INTS9: variants seen among roughly 807,000 people sequenced by gnomAD.
INTS9 encodes the protein integrator complex subunit 9.
In INTS9, 55 loss-of-function variants were observed where a neutral mutation model predicts 79.7. That is an observed-to-expected ratio of 0.69 (90% confidence interval 0.56 to 0.86). INTS9 has a LOEUF of 0.86. INTS9 is among the 40% of genes least tolerant of loss of function. INTS9 has a pLI of 0.00. For synonymous variants in INTS9, 319 were observed against 325.2 expected (o/e 0.98, Z 0.20); for missense variants, 721 against 831.5 (o/e 0.87, Z 1.64).
In INTS9 at chr8:28,869,183, TA is replaced by T. The variant is rs951034153; in HGVS notation, c.10-9621del. ...TTCAACATCATCTAAATGCTTCCTTTAAAAAAAATATTTTATTATTTTCTTT... is the reference window on the plus strand; with the variant it reads ...TTCAACATCATCTAAATGCTTCCTTTAAAAAAATATTTTATTATTTTCTTT... On this transcript the variant is annotated intron_variant, in intron 1 of 16. Coordinates refer to ENST00000521022, the MANE Select transcript of INTS9 (RefSeq NM_018250.4). Among the ~76,000 whole-genome samples, 46 of 152,016 alleles carry T rather than the reference TA, an allele frequency of 3.0e-4. 2 individuals carry two copies. The highest frequency in any genetic ancestry group is 1.6e-3 in the Admixed American group (24 of 15,252).
intron 6 of INTS9, among the ~76,000 whole-genome samples, chr8:28,823,446 C>G (rs540514796): frequency 6.6e-6 from 1 of 152,328 alleles, no homozygotes; most frequent in African/African-American, 2.4e-5. Context: ...GCCCAAGTCC[C>G]CTTCCCTTGT....
intron 6 of INTS9, among the ~76,000 whole-genome samples, chr8:28,826,818 A>C (rs190987450): frequency 6.6e-6 from 1 of 152,296 alleles, no homozygotes; most frequent in East Asian, 1.9e-4. Context: ...TAGAGCGACT[A>C]AATCTTAAAC....
intron 14 of INTS9, among the ~76,000 whole-genome samples, 198 bp downstream of exon 14, chr8:28,775,560 CA>C (rs1802816024): frequency 6.6e-6 from 1 of 152,168 alleles, no homozygotes; most frequent in Non-Finnish European, 1.5e-5. Flanking sequence ...CTGGGTTGGC[CA>C]GGCTGGTCTC....
chr8:28,786,947 G>A (rs1803636813), intron 11 of INTS9, among the ~76,000 whole-genome samples: 2 of 152,106 alleles, frequency 1.3e-5, no homozygotes, highest in South Asian at 4.2e-4. Flanking sequence ...TCGATCTCCT[G>A]ACCTTGTGAT....
At chr8:28,779,097 G>T (rs939508036) in intron 12 of INTS9, among the ~76,000 whole-genome samples, 6 of 150,386 alleles carry the variant, frequency 4.0e-5, no homozygotes, top group Non-Finnish European at 7.4e-5. Context: ...CTGTGTAGAT[G>T]CTGTCACCAC....
intron 1 of INTS9, among the ~76,000 whole-genome samples, chr8:28,888,991 C>T (rs1190844515): frequency 6.6e-6 from 1 of 151,974 alleles, no homozygotes; most frequent in Non-Finnish European, 1.5e-5. Flanking sequence ...GCAACCTCTG[C>T]CTCCCGGGTT....
rs114932312 is a variant in INTS9 at position 28,857,745 on chromosome 8, C to T, written c.137+1691G>A. 4.6e-3 allele frequency among the ~76,000 whole-genome samples: 705 copies of T among 152,156 alleles called. 5 individuals carry two copies. The highest frequency in any genetic ancestry group is 0.016 in the African/African-American group (664 of 41,510). The stretch of plus-strand genomic sequence containing the variant: ...AGAATAGTTCTAGGCAGTGGGGATA[C>T]AATGGAGAACCAAATTCCCTGCCTT... On this transcript the variant is annotated intron_variant, in intron 2 of 16. Coordinates refer to ENST00000521022, the MANE Select transcript of INTS9 (RefSeq NM_018250.4).
At chr8:28,803,156 C>T (rs1410714051) in intron 8 of INTS9, among the ~76,000 whole-genome samples, 1 of 151,896 alleles carries the variant, frequency 6.6e-6, no homozygotes, top group Admixed American at 6.6e-5. Flanking sequence ...CAAGCCCTAA[C>T]GTCTAGGTAT....
chr8:28,792,770 G>A (rs955092872), intron 10 of INTS9, among the ~76,000 whole-genome samples: 8 of 152,058 alleles, frequency 5.3e-5, no homozygotes, highest in Admixed American at 1.3e-4. Flanking sequence ...AAAATTAGCC[G>A]GGCATGGTGG....
Position 28,889,927 on chromosome 8 carries a change from C to G in INTS9, c.-45G>C, listed in dbSNP as rs772321948. ...AATAGCAGTCACTGAACTCCTCAAA[C>G]CCAGGAAGCGTCTTCCGGTGCAATC... On this transcript the variant is annotated 5_prime_UTR_variant, in exon 1 of 17. Coordinates refer to ENST00000521022, the MANE Select transcript of INTS9 (RefSeq NM_018250.4). 1 of 1,568,000 alleles carries G rather than the reference C, an allele frequency of 6.4e-7. No individual in the cohort carries two copies. The highest frequency in any genetic ancestry group is 8.8e-7 in the Non-Finnish European group (1 of 1,140,052).
At chr8:28,873,735 C>T (rs1344309588) in intron 1 of INTS9, among the ~76,000 whole-genome samples, 1 of 152,124 alleles carries the variant, frequency 6.6e-6, no homozygotes, top group Non-Finnish European at 1.5e-5. Context: ...AAACAAGCAC[C>T]CTGAGGACTG....
intron 14 of INTS9, among the ~76,000 whole-genome samples, chr8:28,774,499 A>C (rs898376377): frequency 6.6e-6 from 1 of 152,268 alleles, no homozygotes; most frequent in Admixed American, 6.5e-5. Context: ...AGCCCCTGTA[A>C]AATACCAGAC....
chr8:28,886,861 C>T (rs1464258559), intron 1 of INTS9, among the ~76,000 whole-genome samples: 1 of 152,234 alleles, frequency 6.6e-6, no homozygotes, highest in Non-Finnish European at 1.5e-5. Context: ...ATACTTAGCA[C>T]ATTGCCTGGC....
At chr8:28,829,389 C>A (rs369781007) in intron 6 of INTS9, among the ~76,000 whole-genome samples, 1 of 152,170 alleles carries the variant, frequency 6.6e-6, no homozygotes, top group South Asian at 2.1e-4. Flanking sequence ...GACTTAACTT[C>A]TTTGATATAA....
At chr8:28,846,176 A>T (rs952166481) in intron 4 of INTS9, among the ~76,000 whole-genome samples, 7 of 152,214 alleles carry the variant, frequency 4.6e-5, no homozygotes, top group Admixed American at 3.9e-4. Flanking sequence ...AGCTGAGATT[A>T]GCTGCCTTGA....
In INTS9 at chr8:28,837,846, A is replaced by G; in HGVS notation, c.262-70T>C. 2.1e-6 allele frequency: 3 copies of G among 1,438,506 alleles called. No individual in the cohort carries two copies. The South Asian group carries it at 4.0e-5, about 19-fold the overall frequency. The allele number at this position is 1,438,506 out of a possible 1,614,324, so 89.1% of individuals were successfully genotyped here. ...ATCAATATGATGTGACTAAAAAACG[A>G]CGTTGTCAGAATGCAGAGAAGTAGT... On this transcript the variant is annotated intron_variant, in intron 4 of 16. Transcript: ENST00000521022.
chr8:28,827,138 A>T (rs1806193281), intron 6 of INTS9, among the ~76,000 whole-genome samples: 1 of 152,220 alleles, frequency 6.6e-6, no homozygotes, highest in Admixed American at 6.5e-5. Context: ...AAGGAAACCC[A>T]GAGGGAACTA....
chr8:28,829,249 C>T (rs1806334896), intron 6 of INTS9, among the ~76,000 whole-genome samples: 1 of 152,112 alleles, frequency 6.6e-6, no homozygotes, highest in Admixed American at 6.5e-5. Context: ...CCATTAAAAA[C>T]CTAAACTTAA....
intron 12 of INTS9, among the ~76,000 whole-genome samples, chr8:28,779,639 G>A (rs556851546): frequency 5.9e-5 from 9 of 152,264 alleles, no homozygotes; most frequent in African/African-American, 1.7e-4. Flanking sequence ...ACAGGGTGAC[G>A]CCTCACCTCC....
Sources: gnomAD v4.1 joint callset for allele counts (sites outside exome capture counted in the v4.1 genomes callset) on GRCh38, gnomAD v4.1.1 for gene constraint, MANE v1.5 for transcripts, NCBI Gene and HGNC (gene_info 2026-07-23, HGNC 2026-07-21) for gene names.